The following AGTPBP1 variants were observed in gnomAD, a reference collection of about 807,000 sequenced individuals.
The protein encoded by AGTPBP1 is ATP/GTP binding carboxypeptidase 1, also known as cytosolic carboxypeptidase 1.
A neutral mutation model predicts 143.9 loss-of-function variants in AGTPBP1; 70 were observed. That is an observed-to-expected ratio of 0.49 (90% CI 0.40 to 0.59). The LOEUF is 0.59. Among genes scored for constraint, AGTPBP1 ranks in the 20% least tolerant of loss-of-function variants. The pLI, the probability that AGTPBP1 is intolerant of heterozygous loss-of-function variation, is 0.00. For missense variants in AGTPBP1, 1,229 were observed against 1,464.5 expected (o/e 0.84, Z 2.62); for synonymous variants, 463 against 500.2 (o/e 0.93, Z 0.99).
chr9:85,575,284 T>A, intron 25 of AGTPBP1, 31 bp downstream of exon 25: 1 of 1,538,456 alleles, frequency 6.5e-7, no homozygotes, highest in Non-Finnish European at 8.7e-7. Flanking sequence ...TATACTACAA[T>A]ATAATAAAAG....
At chr9:85,687,943 T>G (rs1434268470) in intron 3 of AGTPBP1, among the ~76,000 whole-genome samples, 1 of 151,100 alleles carries the variant, frequency 6.6e-6, no homozygotes, top group East Asian at 1.9e-4. Flanking sequence ...TACAAAAAAT[T>G]AGCCGGGTGT....
chr9:85,662,895 C>T (rs1833927494), intron 8 of AGTPBP1, among the ~76,000 whole-genome samples: 1 of 151,256 alleles, frequency 6.6e-6, no homozygotes, highest in South Asian at 2.1e-4. Flanking sequence ...TTTAAATGGA[C>T]AAAATGGAAT....
At chr9:85,714,497 T>C (rs192348672) in intron 1 of AGTPBP1, among the ~76,000 whole-genome samples, 7 of 152,328 alleles carry the variant, frequency 4.6e-5, no homozygotes, top group Admixed American at 3.9e-4. Flanking sequence ...GTATCCTGTG[T>C]GTAATGAGCT....
At chr9:85,664,814 T>C (rs1385614001) in intron 8 of AGTPBP1, among the ~76,000 whole-genome samples, 1 of 152,284 alleles carries the variant, frequency 6.6e-6, no homozygotes, top group East Asian at 1.9e-4. Flanking sequence ...ATTACATGTA[T>C]TATCTAAAGT....
intron 14 of AGTPBP1, among the ~76,000 whole-genome samples, chr9:85,626,165 T>G (rs149334894): frequency 2.1e-3 from 327 of 152,278 alleles, no homozygotes; most frequent in Middle Eastern, 0.014. Flanking sequence ...CAATACAATT[T>G]TTTAAATGTT....
chr9:85,600,653 G>A (rs1171243008), intron 17 of AGTPBP1, among the ~76,000 whole-genome samples: 1 of 152,092 alleles, frequency 6.6e-6, no homozygotes, highest in Admixed American at 6.5e-5. Context: ...AGCCAGGGGG[G>A]AGCCCTCCAT....
chr9:85,586,110 G>T (rs1281367761), intron 22 of AGTPBP1, among the ~76,000 whole-genome samples: 1 of 151,994 alleles, frequency 6.6e-6, no homozygotes, highest in Non-Finnish European at 1.5e-5. Flanking sequence ...CTACTTGGGA[G>T]GCTGAGGCAA....
chr9:85,576,075 AAAGAGTAT>A (rs1250465272), intron 24 of AGTPBP1, among the ~76,000 whole-genome samples: 2 of 152,210 alleles, frequency 1.3e-5, no homozygotes, highest in African/African-American at 4.8e-5. Flanking sequence ...ACTAAAGCAA[AAAGAGTAT>A]TTTATCTTAA....
At chr9:85,742,142 C>A, upstream of AGTPBP1, 1 of 803,786 alleles carries the variant, frequency 1.2e-6, no homozygotes, top group Non-Finnish European at 1.6e-6. Context: ...TCTCTGCGCG[C>A]CTGACGGGAG....
At chr9:85,640,392 G>A (rs546504010) in intron 13 of AGTPBP1, among the ~76,000 whole-genome samples, 2 of 152,240 alleles carry the variant, frequency 1.3e-5, no homozygotes, top group East Asian at 3.8e-4. Context: ...TATTACATAC[G>A]CTACAGAAAT....
At chr9:85,728,030 T>C (rs568530986) in intron 1 of AGTPBP1, among the ~76,000 whole-genome samples, 2,493 of 128,444 alleles carry the variant, frequency 0.019, 64 homozygotes, top group Non-Finnish European at 0.026. Flanking sequence ...TATATTTATA[T>C]ACACACACAC....
the AGTPBP1 span, among the ~76,000 whole-genome samples, chr9:85,789,636 G>C: frequency 6.6e-6 from 1 of 152,062 alleles, no homozygotes; most frequent in African/African-American, 2.4e-5. Flanking sequence ...TTTTGTTAAT[G>C]TATTTTTTTG....
chr9:85,601,441 G>C (rs1829662742), intron 17 of AGTPBP1, among the ~76,000 whole-genome samples: 1 of 152,178 alleles, frequency 6.6e-6, no homozygotes, highest in Non-Finnish European at 1.5e-5. Context: ...ATGTCAACCA[G>C]CGCTGGCACC....
At chr9:85,789,635 T>C in the AGTPBP1 span, among the ~76,000 whole-genome samples, 11 of 152,126 alleles carry the variant, frequency 7.2e-5, no homozygotes, top group Non-Finnish European at 1.3e-4. Flanking sequence ...TTTTTGTTAA[T>C]GTATTTTTTT....
At chr9:85,666,866 T>G (rs1189097222) in intron 8 of AGTPBP1, among the ~76,000 whole-genome samples, 1 of 152,130 alleles carries the variant, frequency 6.6e-6, no homozygotes, top group Non-Finnish European at 1.5e-5. Context: ...TAGTGTTAGC[T>G]AGGAATCATT....
intron 25 of AGTPBP1, among the ~76,000 whole-genome samples, chr9:85,566,568 C>A (rs995812686): frequency 2.2e-5 from 3 of 137,282 alleles, no homozygotes; most frequent in Non-Finnish European, 3.1e-5. Context: ...TAGAAAAGTA[C>A]ACACTTTCAG....
the AGTPBP1 span, among the ~76,000 whole-genome samples, chr9:85,788,808 A>G: frequency 5.6e-4 from 85 of 150,834 alleles, no homozygotes; most frequent in Non-Finnish European, 9.3e-4. Flanking sequence ...ATATACATAG[A>G]TATAGATATA....
intron 18 of AGTPBP1, among the ~76,000 whole-genome samples, chr9:85,595,614 C>T (rs763724411): frequency 6.6e-5 from 10 of 152,074 alleles, no homozygotes; most frequent in Non-Finnish European, 1.0e-4. Context: ...GCAACCTCCG[C>T]CTCCCGGGTT....
chr9:85,640,618 T>C (rs1168577799), intron 13 of AGTPBP1, among the ~76,000 whole-genome samples: 1 of 152,214 alleles, frequency 6.6e-6, no homozygotes, highest in Non-Finnish European at 1.5e-5. Flanking sequence ...GCCAAACTAA[T>C]GGACAAGTTG....
Sources: allele counts gnomAD v4.1 joint callset (sites outside exome capture counted in the v4.1 genomes callset), GRCh38; gene constraint gnomAD v4.1.1; transcripts MANE v1.5; gene names NCBI Gene and HGNC (gene_info 2026-07-23, HGNC 2026-07-21).